Variants in CCND3 observed in about 807,000 individuals in gnomAD.
CCND3 encodes G1/S-specific cyclin-D3.
CCND3 carries 9 observed loss-of-function variants against 28.7 expected under a neutral mutation model. The observed-to-expected ratio is 0.31, with a 90% confidence interval of 0.19 to 0.55. The LOEUF (loss-of-function observed/expected upper bound fraction) is 0.55. Ranked by LOEUF, CCND3 falls within the 20% of genes least tolerant of loss-of-function variation. The pLI, the probability that CCND3 is intolerant of heterozygous loss-of-function variation, is 0.93. For missense variants in CCND3, 315 were observed against 385.8 expected, an observed-to-expected ratio of 0.82 and a Z score of 1.54; for synonymous variants, 164 against 163.9, an observed-to-expected ratio of 1.00 and a Z score of 0.00.
rs1475224252 is a variant in CCND3 at position 41,951,571 on chromosome 6, C to CAA, written c.-45-10987_-45-10986insTT. On this transcript the variant is annotated intron_variant, in intron 1 of 4. Coordinates refer to the CCND3 transcript ENST00000372988. Reference sequence around the variant, plus strand: ...ACACACACACACACACACACACACACACACAAAAAAAAAGATTAAGTGGGA... The same window carrying CAA: ...ACACACACACACACACACACACACACAAACACAAAAAAAAAGATTAAGTGGGA... Among the ~76,000 whole-genome samples, 507 of 78,534 alleles carry CAA rather than the reference C, an allele frequency of 6.5e-3. 4 individuals carry two copies. The highest frequency in any genetic ancestry group is 9.0e-3 in the East Asian group (21 of 2,328). The allele number at this position is 78,534 out of a possible 152,430, so 51.5% of individuals were successfully genotyped here. A position where few individuals can be genotyped will look rare whatever the true frequency, so the allele number is the denominator to read the frequency against.
chr6:41,937,875 A>G, intron 2 of CCND3: 2 of 172,246 alleles, frequency 1.2e-5, no homozygotes, highest in South Asian at 1.1e-4. Context: ...CATCCCAGCC[A>G]AGTCCACACT....
rs181166542 is a variant in CCND3, at chr6:41,947,311, G to T, written c.-45-6726C>A. The stretch of plus-strand genomic sequence containing the variant: ...TAGGCAGCACTACCAAATCAGAGTT[G>T]GTGTGAACTGACCTGTTTTTAGTTT... On this transcript the variant is annotated intron_variant, in intron 1 of 4. Coordinates refer to the CCND3 transcript ENST00000372988. Among the ~76,000 whole-genome samples, 4 of 152,182 alleles carry T rather than the reference G, an allele frequency of 2.6e-5. No individual in the cohort carries two copies. The East Asian group carries it at 5.8e-4, about 22-fold the overall frequency.
At chr6:42,012,379 A>G (rs4272212) in intron 1 of CCND3, among the ~76,000 whole-genome samples, 7,268 of 151,820 alleles carry the variant, frequency 0.048, 303 homozygotes, top group Admixed American at 0.097. Flanking sequence ...CCAAGATCAC[A>G]CCACTTCACT....
intron 1 of CCND3, among the ~76,000 whole-genome samples, chr6:42,040,561 TA>T (rs1764340373): frequency 1.3e-5 from 2 of 151,622 alleles, no homozygotes; most frequent in Non-Finnish European, 2.9e-5. Flanking sequence ...ATCTGCAAAA[TA>T]AAAAACCTCG....
chr6:42,006,857 G>A (rs890445300), intron 1 of CCND3, among the ~76,000 whole-genome samples: 2 of 151,320 alleles, frequency 1.3e-5, no homozygotes, highest in African/African-American at 2.4e-5. Flanking sequence ...GCAGTGAGCC[G>A]AGATCGCTCC....
intron 1 of CCND3, among the ~76,000 whole-genome samples, chr6:41,999,790 C>T (rs570583807): frequency 2.2e-4 from 34 of 152,182 alleles, no homozygotes; most frequent in Non-Finnish European, 4.4e-4. Flanking sequence ...TCTTTGGAGG[C>T]TGAGGCAGGA....
intron 1 of CCND3, among the ~76,000 whole-genome samples, chr6:42,020,054 G>A (rs925647493): frequency 5.9e-5 from 9 of 152,066 alleles, no homozygotes; most frequent in South Asian, 4.1e-4. Flanking sequence ...CGAGGCGGGC[G>A]GATCACAAGG....
At chr6:41,971,899 C>A (rs941975794) in intron 1 of CCND3, among the ~76,000 whole-genome samples, 1 of 150,940 alleles carries the variant, frequency 6.6e-6, no homozygotes, top group Non-Finnish European at 1.5e-5. Context: ...TCTCCTTAGT[C>A]TCATTTGCCC....
In CCND3 at chr6:41,937,401, A is replaced by G. The variant is rs1420254995; in HGVS notation, c.415-7T>C. 6.2e-7 allele frequency: 1 copy of G among 1,613,940 alleles called. No individual in the cohort carries two copies. On this transcript the variant is annotated splice_polypyrimidine_tract_variant and splice_region_variant and intron_variant, in intron 2 of 4. Transcript: ENST00000372991. ...GGACCAGCACCTCCCAGTCCTGAAA[A>G]AGCGGGGAAAGGGTGGGGTCAGTGG...
In CCND3 at chr6:42,048,405, G is replaced by A; in HGVS notation, c.-46+96C>T. On this transcript the variant is annotated intron_variant, in intron 1 of 4. Transcript: ENST00000372988. The surrounding 1 kb of genome is among the most constrained non-coding windows in gnomAD (Gnocchi z 4.7). ...AACTAGGAAGTGATGAGGATGCGGC[G>A]ACCCCATTGACCCACCCAGCACCGA... 2.9e-6 allele frequency: 1 copy of A among 350,128 alleles called. No individual in the cohort carries two copies. Among genetic ancestry groups the A allele is most frequent in the South Asian group, 2.1e-5 (1 of 47,794 alleles). 21.7% of individuals were successfully genotyped at this position (350,128 alleles called of 1,614,324 possible). A position where few individuals can be genotyped will look rare whatever the true frequency, so the allele number is the denominator to read the frequency against.
rs1454749900 is a variant in CCND3, at chr6:42,040,646, G to C, written c.-46+7855C>G. Among the ~76,000 whole-genome samples the C allele has an allele frequency of 2.0e-5, 3 of 152,150 alleles. No individual in the cohort carries two copies. In the East Asian group the frequency reaches 5.8e-4, roughly 30 times the overall value. On this transcript the variant is annotated intron_variant, in intron 1 of 4. Transcript: ENST00000372988. ...AGGCGGGTGGATCACAAGGTCAGGA[G>C]TTCCAGACCAGACTGGCCAACATGG...
upstream of CCND3, among the ~76,000 whole-genome samples, chr6:41,942,031 C>CT (rs1776053209): frequency 6.6e-6 from 1 of 152,170 alleles, no homozygotes. Flanking sequence ...GGTGGGCCTC[C>CT]TACCCACCCA....
intron 1 of CCND3, among the ~76,000 whole-genome samples, chr6:41,990,609 T>C (rs984352154): frequency 4.1e-5 from 6 of 148,136 alleles, no homozygotes; most frequent in Admixed American, 3.4e-4. Flanking sequence ...CATAAACCAA[T>C]AGGAAATAAT....
At chr6:41,971,520 C>A (rs941935430) in intron 1 of CCND3, among the ~76,000 whole-genome samples, 2 of 151,752 alleles carry the variant, frequency 1.3e-5, no homozygotes, top group Admixed American at 6.6e-5. Context: ...GGATATGAAT[C>A]CAGGTCTGCC....
upstream of CCND3, among the ~76,000 whole-genome samples, chr6:41,942,278 G>A (rs907453278): frequency 6.6e-6 from 1 of 152,176 alleles, no homozygotes; most frequent in African/African-American, 2.4e-5. Context: ...CATTCAGTTG[G>A]TCCGTGGCAG....
rs746329630 is a variant in CCND3 at position 41,939,488 on chromosome 6, G to A, written c.414+882C>T. Among the ~76,000 whole-genome samples, 9 of 152,154 alleles carry A rather than the reference G, an allele frequency of 5.9e-5. No homozygotes were observed. The highest frequency in any genetic ancestry group is 3.9e-4 in the East Asian group (2 of 5,192). On this transcript the variant is annotated intron_variant, in intron 2 of 4. Coordinates refer to ENST00000372991, the MANE Select transcript of CCND3 (RefSeq NM_001760.5). This position sits in a 1 kb window ranked among gnomAD's most constrained non-coding sequence, Gnocchi z 4.2. Reference sequence around the variant, plus strand: ...CTCCTCCCCAGGCTCCTTCTGAGGCGGGACAGAACCGGTGACTTTCCTGCC... The same window carrying A: ...CTCCTCCCCAGGCTCCTTCTGAGGCAGGACAGAACCGGTGACTTTCCTGCC...
chr6:41,951,465 G>A (rs556297427), intron 1 of CCND3, among the ~76,000 whole-genome samples: 13 of 149,916 alleles, frequency 8.7e-5, no homozygotes, highest in Admixed American at 1.3e-4. Flanking sequence ...GGGAGGCTGA[G>A]GCAGGAGAAT....
rs147958536 is a variant in CCND3, at chr6:41,936,078, G to T, written c.741C>A (p.Ile247=). 1 of 1,608,444 alleles carries T rather than the reference G, an allele frequency of 6.2e-7. No individual in the cohort carries two copies. Among genetic ancestry groups the T allele is most frequent in the South Asian group, 1.1e-5 (1 of 90,646 alleles). Residue 247 remains isoleucine, a synonymous_variant, in exon 5 of 5, where the codon ATC becomes ATA. Transcript: ENST00000372991. This position sits in a 1 kb window ranked among gnomAD's most constrained non-coding sequence, Gnocchi z 4.4. ...TGAGGCTCTCCCTGAGTGCAGCTTC[G>T]ATCTGCTCCTGACAGGCCCGCAGGC... ...VDCLRACQEQ[I]EAALRESLRE... is the part of the protein sequence containing the mutation.
chr6:41,950,053 A>G (rs1460703544), intron 1 of CCND3, among the ~76,000 whole-genome samples: 8 of 151,098 alleles, frequency 5.3e-5, no homozygotes, highest in Non-Finnish European at 1.0e-4. Flanking sequence ...AGCCAAGATC[A>G]CGCCACTGCA....
Sources: allele counts gnomAD v4.1 joint callset (sites outside exome capture counted in the v4.1 genomes callset), GRCh38; gene constraint gnomAD v4.1.1; non-coding constraint Gnocchi (gnomAD v3.1); transcripts MANE v1.5; gene names NCBI Gene and HGNC (gene_info 2026-07-23, HGNC 2026-07-21).